Variants in NTRK3 observed in about 807,000 individuals in gnomAD.
NTRK3 encodes neurotrophic receptor tyrosine kinase 3.
Under a neutral mutation model 91.7 loss-of-function variants are expected in NTRK3, and 24 were observed. The observed-to-expected ratio is 0.26, with a 90% CI of 0.19 to 0.37. The LOEUF (loss-of-function observed/expected upper bound fraction) is 0.37, where lower values mean the gene tolerates loss of function less well. Among genes scored for constraint, NTRK3 ranks in the 10% least tolerant of loss-of-function variants. The pLI is 1.00. For missense variants in NTRK3, 880 were observed against 1,068.9 expected (o/e 0.82, Z 2.46); for synonymous variants, 483 against 404.0 (o/e 1.20, Z -2.34).
intron 15 of NTRK3, among the ~76,000 whole-genome samples, chr15:87,939,293 T>C (rs577421677): frequency 6.6e-6 from 1 of 152,108 alleles, no homozygotes; most frequent in Non-Finnish European, 1.5e-5. Flanking sequence ...CCCTAAGAAG[T>C]GCATTAAGAA....
intron 14 of NTRK3, among the ~76,000 whole-genome samples, chr15:87,979,962 T>C (rs1196757691): frequency 6.6e-6 from 1 of 152,136 alleles, no homozygotes; most frequent in African/African-American, 2.4e-5. Context: ...CACAGACCAC[T>C]TCTGACCACA....
chr15:88,205,433 G>C (rs2141334549), intron 3 of NTRK3, among the ~76,000 whole-genome samples: 1 of 152,298 alleles, frequency 6.6e-6, no homozygotes, highest in Middle Eastern at 3.4e-3. Context: ...AGAGGTCCAA[G>C]AGCCCAGCAT....
chr15:88,255,855 G>C lies in NTRK3; in HGVS notation c.248+51C>G, dbSNP rs1448765172. 1 of 1,550,476 alleles carries C rather than the reference G, an allele frequency of 6.4e-7. No individual in the cohort carries two copies. Among genetic ancestry groups the C allele is most frequent in the South Asian group, 1.2e-5 (1 of 83,840 alleles). ...GCTCCCGGCCGCGGGTGGGCAGGAG[G>C]GAGACGCAGAGCGCGGGGGAGGCAG... On this transcript the variant is annotated intron_variant, in intron 3 of 18. Coordinates refer to ENST00000394480, the Ensembl canonical transcript of NTRK3. This position sits in a 1 kb window ranked among gnomAD's most constrained non-coding sequence, Gnocchi z 4.3.
At chr15:88,015,978 A>G (rs755708779) in intron 14 of NTRK3, among the ~76,000 whole-genome samples, 2 of 151,506 alleles carry the variant, frequency 1.3e-5, no homozygotes, top group African/African-American at 2.4e-5. Flanking sequence ...CTAGATGACA[A>G]ATTCAGATTA....
chr15:87,971,851 G>T (rs1346846705), intron 14 of NTRK3, among the ~76,000 whole-genome samples: 1 of 152,208 alleles, frequency 6.6e-6, no homozygotes, highest in East Asian at 1.9e-4. Context: ...TTTAAGAGAA[G>T]TGCGTTTTTG....
intron 13 of NTRK3, chr15:88,072,512 C>T (rs1043200324): frequency 8.6e-6 from 2 of 232,190 alleles, no homozygotes; most frequent in Non-Finnish European, 1.7e-5. Flanking sequence ...TTTCTTCTTT[C>T]CGTTGTTGTT....
At chr15:88,156,760 C>T (rs920573049) in intron 5 of NTRK3, among the ~76,000 whole-genome samples, 12 of 152,222 alleles carry the variant, frequency 7.9e-5, no homozygotes, top group Non-Finnish European at 1.5e-4. Flanking sequence ...ACAGCTGTGC[C>T]TGTGTTGGCC....
At chr15:87,980,020 T>C (rs1170893237) in intron 14 of NTRK3, among the ~76,000 whole-genome samples, 2 of 152,164 alleles carry the variant, frequency 1.3e-5, no homozygotes, top group African/African-American at 2.4e-5. Flanking sequence ...CTCTTTCTCA[T>C]TGACCTTTTC....
chr15:88,180,328 T>A (rs1274409930), intron 5 of NTRK3, among the ~76,000 whole-genome samples: 2 of 151,868 alleles, frequency 1.3e-5, no homozygotes, highest in Non-Finnish European at 2.9e-5. Context: ...CAAAAAAGGG[T>A]TTCCCTTGAT....
chr15:88,008,464 C>T (rs551158428), intron 14 of NTRK3, among the ~76,000 whole-genome samples: 1 of 152,160 alleles, frequency 6.6e-6, no homozygotes, highest in African/African-American at 2.4e-5. Context: ...GAACCAGGAT[C>T]TCCGAGGTTC....
At chr15:88,197,120 A>AAC (rs2047905541) in intron 3 of NTRK3, among the ~76,000 whole-genome samples, 1 of 148,216 alleles carries the variant, frequency 6.7e-6, no homozygotes, top group Non-Finnish European at 1.5e-5. Flanking sequence ...AAAAAAAAAA[A>AAC]AAAAAAACCT....
At chr15:88,102,403 G>T (rs1028016413) in intron 13 of NTRK3, among the ~76,000 whole-genome samples, 79 of 152,280 alleles carry the variant, frequency 5.2e-4, no homozygotes, top group African/African-American at 1.7e-3. Flanking sequence ...GTTAATGTGT[G>T]CAAAAACATA....
chr15:87,917,576 C>A (rs2067532235), intron 17 of NTRK3, among the ~76,000 whole-genome samples: 1 of 152,194 alleles, frequency 6.6e-6, no homozygotes, highest in Non-Finnish European at 1.5e-5. Flanking sequence ...GTATTTGTCA[C>A]CTCCAAATCT....
chr15:87,862,657 G>A (rs2064558798), exon 19 of NTRK3: 1 of 228,976 alleles, frequency 4.4e-6, no homozygotes, highest in Non-Finnish European at 8.7e-6. Context: ...TATAAAAACT[G>A]GCCAATCACA....
chr15:88,134,995 A>T, intron 10 of NTRK3, 106 bp downstream of exon 10: 1 of 1,334,144 alleles, frequency 7.5e-7, no homozygotes, highest in Non-Finnish European at 1.1e-6. Context: ...TGCCCATGAT[A>T]ACAGTATGAG....
intron 15 of NTRK3, 125 bp downstream of exon 15, chr15:87,940,498 G>A: frequency 6.7e-7 from 1 of 1,482,036 alleles, no homozygotes; most frequent in South Asian, 1.1e-5. Flanking sequence ...TCGGAGCAAA[G>A]TCCTTTGATT....
chr15:88,095,498 A>G (rs2049493011), intron 13 of NTRK3, among the ~76,000 whole-genome samples: 1 of 152,184 alleles, frequency 6.6e-6, no homozygotes, highest in Non-Finnish European at 1.5e-5. Context: ...TGGAGTCAGA[A>G]GGAGGAAAGC....
chr15:88,178,093 A>G lies in NTRK3; in HGVS notation c.395+5325T>C, dbSNP rs939287238. Among the ~76,000 whole-genome samples, 12 of 152,188 alleles carry G rather than the reference A, an allele frequency of 7.9e-5. No homozygotes were observed. The East Asian group carries it at 1.2e-3, about 15-fold the overall frequency. On this transcript the variant is annotated intron_variant, in intron 5 of 18. Coordinates refer to ENST00000394480, the Ensembl canonical transcript of NTRK3. Reference sequence around the variant, plus strand: ...CTAAGTCCTCCACAAAGAACAGAAGAAGGAGGATACTTGTGGAGAAGCAGT... The same window carrying G: ...CTAAGTCCTCCACAAAGAACAGAAGGAGGAGGATACTTGTGGAGAAGCAGT...
At chr15:88,148,988 C>T (rs117213386) in intron 5 of NTRK3, among the ~76,000 whole-genome samples, 459 of 152,216 alleles carry the variant, frequency 3.0e-3, no homozygotes, top group Middle Eastern at 6.8e-3. Flanking sequence ...CACATGGAGG[C>T]GATGGGATAG....
Sources: allele counts gnomAD v4.1 joint callset (sites outside exome capture counted in the v4.1 genomes callset), GRCh38; gene constraint gnomAD v4.1.1; non-coding constraint Gnocchi (gnomAD v3.1); transcripts MANE v1.5; gene names NCBI Gene and HGNC (gene_info 2026-07-23, HGNC 2026-07-21).